The following COL21A1 variants were observed in gnomAD, a reference collection of about 807,000 sequenced individuals.
COL21A1 encodes collagen type XXI alpha 1 chain, also known as collagen alpha-1(XXI) chain.
Under a neutral mutation model 137.9 loss-of-function variants are expected in COL21A1, and 149 were observed. That is an observed-to-expected ratio of 1.08 (90% CI 0.95 to 1.24). COL21A1 has a LOEUF of 1.24. Among genes scored for constraint, COL21A1 ranks in the 50% most tolerant of loss-of-function variants. The probability of loss-of-function intolerance (pLI) is 0.00; values close to 1 mark genes in which losing one functional copy is unlikely to be tolerated. For synonymous variants in COL21A1, 456 were observed against 391.5 expected (o/e 1.16, Z -1.95); for missense variants, 1,167 against 1,158.4 (o/e 1.01, Z -0.11).
chr6:56,064,527 AGT>A, intron 24 of COL21A1, 49 bp downstream of exon 24: 1 of 1,223,694 alleles, frequency 8.2e-7, no homozygotes, highest in African/African-American at 1.5e-5. Flanking sequence ...AGCATTGTCC[AGT>A]TATGTGACTT....
chr6:56,113,998 G>C (rs1247697588), intron 16 of COL21A1, among the ~76,000 whole-genome samples: 4 of 152,206 alleles, frequency 2.6e-5, no homozygotes, highest in African/African-American at 9.7e-5. Context: ...AGAGAAAAAA[G>C]TGAGAAGGAC....
intron 1 of COL21A1, among the ~76,000 whole-genome samples, chr6:56,214,961 T>C (rs1248686535): frequency 6.6e-6 from 1 of 152,098 alleles, no homozygotes; most frequent in Non-Finnish European, 1.5e-5. Flanking sequence ...CAGTCAACTT[T>C]AAATTAAAAC....
intron 1 of COL21A1, among the ~76,000 whole-genome samples, chr6:56,303,802 C>G (rs986919408): frequency 1.3e-5 from 2 of 152,160 alleles, no homozygotes; most frequent in African/African-American, 4.8e-5. Context: ...GCATCCCTGT[C>G]TTGTACCAGT....
intron 1 of COL21A1, among the ~76,000 whole-genome samples, chr6:56,321,734 T>C (rs1454043958): frequency 6.6e-6 from 1 of 152,076 alleles, no homozygotes; most frequent in Non-Finnish European, 1.5e-5. Context: ...AGGAGCGCAG[T>C]GGCCAGCCAT....
At chr6:56,198,051 G>A (rs1779146864) in intron 1 of COL21A1, among the ~76,000 whole-genome samples, 1 of 151,986 alleles carries the variant, frequency 6.6e-6, no homozygotes, top group Admixed American at 6.6e-5. Flanking sequence ...TACAAAAAAA[G>A]GAAATCCTCC....
At chr6:56,290,498 G>GTTTGTTTT in intron 1 of COL21A1, among the ~76,000 whole-genome samples, 1 of 132,998 alleles carries the variant, frequency 7.5e-6, no homozygotes, top group South Asian at 2.5e-4. Context: ...TCACTTAGGA[G>GTTTGTTTT]ATTTTTTTTT....
At chr6:56,261,420 A>G (rs942300958) in intron 1 of COL21A1, among the ~76,000 whole-genome samples, 3 of 152,196 alleles carry the variant, frequency 2.0e-5, no homozygotes, top group African/African-American at 7.2e-5. Flanking sequence ...ATTAGGAGGT[A>G]GGGTCTTTGG....
intron 1 of COL21A1, among the ~76,000 whole-genome samples, chr6:56,239,430 A>C (rs1454647204): frequency 6.6e-6 from 1 of 152,200 alleles, no homozygotes; most frequent in East Asian, 1.9e-4. Context: ...AAAGAAAAGC[A>C]TAAAAACGTC....
At chr6:56,229,796 G>C (rs138827227) in intron 1 of COL21A1, among the ~76,000 whole-genome samples, 1 of 151,884 alleles carries the variant, frequency 6.6e-6, no homozygotes, top group Admixed American at 6.6e-5. Context: ...GCCAGAAAAC[G>C]TAATCTGACT....
intron 1 of COL21A1, among the ~76,000 whole-genome samples, chr6:56,255,061 A>G (rs1782934671): frequency 6.6e-6 from 1 of 152,180 alleles, no homozygotes; most frequent in African/African-American, 2.4e-5. Flanking sequence ...AGGTCACTTC[A>G]ATTAAATTTA....
chr6:56,239,289 T>C (rs1043641235), intron 1 of COL21A1, among the ~76,000 whole-genome samples: 2 of 152,168 alleles, frequency 1.3e-5, no homozygotes, highest in African/African-American at 4.8e-5. Flanking sequence ...ATTCTAACAA[T>C]CATTATCTCT....
intron 14 of COL21A1, among the ~76,000 whole-genome samples, chr6:56,124,685 A>G (rs1160593302): frequency 6.6e-6 from 1 of 152,116 alleles, no homozygotes; most frequent in Non-Finnish European, 1.5e-5. Context: ...TCTGTTGCCC[A>G]GGCTGGAGTG....
chr6:56,139,032 A>AG (rs1187649340), intron 12 of COL21A1, among the ~76,000 whole-genome samples: 2 of 152,110 alleles, frequency 1.3e-5, no homozygotes, highest in Non-Finnish European at 2.9e-5. Flanking sequence ...CCATAATAAG[A>AG]GGAGGAAAGG....
At chr6:56,243,789 G>A (rs555359495) in intron 1 of COL21A1, among the ~76,000 whole-genome samples, 5 of 152,140 alleles carry the variant, frequency 3.3e-5, no homozygotes, top group Non-Finnish European at 1.5e-5. Flanking sequence ...TTCAGGGCTA[G>A]GCAGTCTGGC....
In COL21A1 at chr6:56,125,575, C is replaced by T; in HGVS notation, c.1642G>A (p.Gly548Ser). ...KGDKGSPGFY[G>S]KKGAKGEKGN... ...GTGTGATCTATACTTCCCTTTTTGC[C>T]ATAAAATCCAGGTGATCCTTTGTCT... is the stretch of plus-strand genomic sequence containing the variant. Residue 548 changes from glycine (G) to serine (S), a missense_variant, in exon 14 of 30, where the codon GGC becomes AGC. Coordinates refer to ENST00000244728, the MANE Select transcript of COL21A1 (RefSeq NM_030820.4). 6.2e-7 allele frequency: 1 copy of T among 1,600,226 alleles called. No individual in the cohort carries two copies. The highest frequency in any genetic ancestry group is 1.1e-5 in the South Asian group (1 of 89,296).
Position 56,180,138 on chromosome 6 carries a change from A to G in COL21A1, c.89-9T>C. On this transcript the variant is annotated splice_polypyrimidine_tract_variant and intron_variant, in intron 2 of 29. Transcript: ENST00000244728. ...CGGAGCAGTACGACAACCTAAGTGC[A>G]AAAGAAAACCATCATAGCACATCTT... is the stretch of plus-strand genomic sequence containing the variant. The G allele has an allele frequency of 6.3e-7, 1 of 1,589,084 alleles. No individual in the cohort carries two copies. The highest frequency in any genetic ancestry group is 8.5e-7 in the Non-Finnish European group (1 of 1,170,414).
intron 28 of COL21A1, 98 bp from the exon 29 acceptor site, chr6:56,059,340 C>A: frequency 2.8e-6 from 2 of 707,982 alleles, no homozygotes; most frequent in South Asian, 2.8e-5. Flanking sequence ...AGAAAAATGT[C>A]TTTTAAAAAC....
chr6:56,101,748 A>ATTGAG (rs146814761), intron 16 of COL21A1, among the ~76,000 whole-genome samples: 12,184 of 132,942 alleles, frequency 0.092, 519 homozygotes, highest in Middle Eastern at 0.13. Flanking sequence ...ATGGCAGATA[A>ATTGAG]TTAAGTTATT....
chr6:56,152,071 A>G (rs925841048), intron 10 of COL21A1, among the ~76,000 whole-genome samples: 1 of 152,182 alleles, frequency 6.6e-6, no homozygotes, highest in African/African-American at 2.4e-5. Context: ...AACAACACCA[A>G]TTCACTACCT....
Sources: gnomAD v4.1 joint callset for allele counts (sites outside exome capture counted in the v4.1 genomes callset) on GRCh38, gnomAD v4.1.1 for gene constraint, MANE v1.5 for transcripts, NCBI Gene and HGNC (gene_info 2026-07-23, HGNC 2026-07-21) for gene names.